The following MAD1L1 variants were observed in gnomAD, a reference collection of about 807,000 sequenced individuals.
The protein encoded by MAD1L1 is mitotic spindle assembly checkpoint protein MAD1.
Under a neutral mutation model 96.9 loss-of-function variants are expected in MAD1L1, and 95 were observed. That is an observed-to-expected ratio of 0.98 (90% CI 0.83 to 1.16). The LOEUF (loss-of-function observed/expected upper bound fraction) is 1.16. MAD1L1 is among the 50% of genes most tolerant of loss of function. The probability of loss-of-function intolerance (pLI) is 0.00; values close to 1 mark genes in which losing one functional copy is unlikely to be tolerated. For synonymous variants in MAD1L1, 473 were observed against 396.6 expected (o/e 1.19, Z -2.29); for missense variants, 1,007 against 954.4 (o/e 1.06, Z -0.73).
intron 18 of MAD1L1, among the ~76,000 whole-genome samples, chr7:1,823,832 C>T (rs984639459): frequency 3.9e-5 from 6 of 152,172 alleles, no homozygotes; most frequent in African/African-American, 1.4e-4. Flanking sequence ...ATATTTCATG[C>T]TTGGATCTGC....
At chr7:1,866,409 C>T (rs1272431303) in intron 18 of MAD1L1, among the ~76,000 whole-genome samples, 1 of 152,022 alleles carries the variant, frequency 6.6e-6, no homozygotes, top group Admixed American at 6.5e-5. Flanking sequence ...TCCCTGTGCC[C>T]CCACTGCAGG....
At chr7:2,173,349 C>T (rs547913532) in intron 10 of MAD1L1, among the ~76,000 whole-genome samples, 98 of 152,132 alleles carry the variant, frequency 6.4e-4, no homozygotes, top group Non-Finnish European at 1.1e-3. Context: ...CTAGCTGCCC[C>T]GCGTCTGGCT....
chr7:1,844,123 A>G (rs1472029115), intron 18 of MAD1L1: 4 of 154,616 alleles, frequency 2.6e-5, no homozygotes, highest in South Asian at 4.1e-4. Context: ...GGCTGGTGTC[A>G]CGGAGCCTCA....
rs1274197862 is a variant in MAD1L1 at position 2,149,183 on chromosome 7, A to C, written c.1042T>G (p.Leu348Val). 1 of 1,614,108 alleles carries C rather than the reference A, an allele frequency of 6.2e-7. No individual in the cohort carries two copies. The highest frequency in any genetic ancestry group is 1.1e-5 in the South Asian group (1 of 91,066). ...VVELQQRELA[L>V]KDKNSAVTSS... ...GTGACGGCGCTGTTCTTGTCCTTCAAGGCAAGCTCCCTCTGCTGCAGCTCA... is the reference window on the plus strand; with the variant it reads ...GTGACGGCGCTGTTCTTGTCCTTCACGGCAAGCTCCCTCTGCTGCAGCTCA... The change falls in exon 11 of 19, where the codon TTG becomes GTG. Residue 348 changes from leucine (L) to valine (V), a missense_variant. Leu to Val is a conservative substitution (Grantham distance 32). Transcript: ENST00000265854.
chr7:1,900,986 C>T (rs1787206563), intron 17 of MAD1L1, among the ~76,000 whole-genome samples: 1 of 152,144 alleles, frequency 6.6e-6, no homozygotes, highest in South Asian at 2.1e-4. Flanking sequence ...GGCCGCCGCA[C>T]TCACTCCTGG....
intron 15 of MAD1L1, among the ~76,000 whole-genome samples, chr7:1,977,997 T>C (rs1414707521): frequency 6.6e-6 from 1 of 152,228 alleles, no homozygotes; most frequent in Non-Finnish European, 1.5e-5. Flanking sequence ...TCGCGTGGCA[T>C]TCAGGACCTT....
chr7:2,219,867 G>A (rs1020190500), intron 5 of MAD1L1, among the ~76,000 whole-genome samples: 1 of 152,122 alleles, frequency 6.6e-6, no homozygotes, highest in Non-Finnish European at 1.5e-5. Flanking sequence ...CCAGCCAGGG[G>A]CCCTGGAAAG....
At chr7:2,035,053 G>T (rs1041496562) in intron 12 of MAD1L1, among the ~76,000 whole-genome samples, 3 of 152,242 alleles carry the variant, frequency 2.0e-5, no homozygotes, top group African/African-American at 7.2e-5. Flanking sequence ...CTCAGGGAGG[G>T]ACACAAACTC....
intron 12 of MAD1L1, among the ~76,000 whole-genome samples, chr7:2,027,726 G>A (rs1340161455): frequency 6.6e-6 from 1 of 152,186 alleles, no homozygotes; most frequent in Admixed American, 6.5e-5. Flanking sequence ...ACTTTAATCT[G>A]AAAAGGATTT....
chr7:2,096,239 C>T (rs538399973), intron 11 of MAD1L1, among the ~76,000 whole-genome samples: 2 of 152,308 alleles, frequency 1.3e-5, no homozygotes, highest in South Asian at 2.1e-4. Context: ...TCGTCCTCGT[C>T]GGACACAAGG....
At chr7:2,219,537 G>T in intron 5 of MAD1L1, 81 bp from the exon 6 acceptor site, 1 of 1,502,310 alleles carries the variant, frequency 6.7e-7, no homozygotes, top group Non-Finnish European at 9.1e-7. Context: ...GATGAGAAGA[G>T]TGGAGAGGCG....
intron 12 of MAD1L1, among the ~76,000 whole-genome samples, chr7:2,055,921 G>A (rs1284449310): frequency 6.6e-6 from 1 of 152,230 alleles, no homozygotes; most frequent in African/African-American, 2.4e-5. Flanking sequence ...AGAGGTTGCA[G>A]TGAGCTGAGA....
intron 13 of MAD1L1, among the ~76,000 whole-genome samples, chr7:2,002,848 G>A (rs1372557151): frequency 6.6e-6 from 1 of 152,200 alleles, no homozygotes; most frequent in Non-Finnish European, 1.5e-5. Flanking sequence ...ATGGGGCTCA[G>A]GACCTCGGAG....
chr7:2,207,091 A>C (rs1170010931), intron 10 of MAD1L1, among the ~76,000 whole-genome samples: 1 of 152,074 alleles, frequency 6.6e-6, no homozygotes, highest in Non-Finnish European at 1.5e-5. Context: ...AAAAAAAAAA[A>C]AAAAGAAATT....
At chr7:2,221,031 G>A (rs766277557) in intron 5 of MAD1L1, 7 of 1,611,436 alleles carry the variant, frequency 4.3e-6, no homozygotes, top group Non-Finnish European at 5.9e-6. Flanking sequence ...CCCTGTGACA[G>A]GAGAAGGCAG....
intron 18 of MAD1L1, among the ~76,000 whole-genome samples, chr7:1,894,645 G>A (rs779346075): frequency 6.6e-5 from 10 of 152,094 alleles, no homozygotes; most frequent in Admixed American, 2.6e-4. Flanking sequence ...TCCAGCAGGC[G>A]ATCCCTCCAC....
Position 1,865,325 on chromosome 7 carries a change from T to C in MAD1L1, c.1998+32875A>G, listed in dbSNP as rs1367467255. On this transcript the variant is annotated intron_variant, in intron 18 of 18. Coordinates refer to ENST00000265854, the MANE Select transcript of MAD1L1 (RefSeq NM_001013836.2). ...TCTGCAAGGCCTGTCTGCCTGTCCC[T>C]TGAGTCAAAGCTGACCTTGCCGGGC... 3.3e-5 allele frequency among the ~76,000 whole-genome samples: 5 copies of C among 152,090 alleles called. No homozygotes were observed. In the East Asian group the frequency reaches 9.7e-4, roughly 29 times the overall value.
chr7:2,078,888 C>T (rs970046751), intron 11 of MAD1L1, among the ~76,000 whole-genome samples: 1 of 152,262 alleles, frequency 6.6e-6, no homozygotes, highest in Admixed American at 6.5e-5. Context: ...CCGTGTCCCC[C>T]AGGACACCAC....
chr7:1,816,977 A>C (rs939030702), intron 18 of MAD1L1: 4 of 152,312 alleles, frequency 2.6e-5, no homozygotes, highest in African/African-American at 9.7e-5. Flanking sequence ...GTCCCTGAAA[A>C]GTCCTGTACC....
Sources: gnomAD v4.1 joint callset for allele counts (sites outside exome capture counted in the v4.1 genomes callset) on GRCh38, gnomAD v4.1.1 for gene constraint, MANE v1.5 for transcripts, NCBI Gene and HGNC (gene_info 2026-07-23, HGNC 2026-07-21) for gene names.